The following CLIC5 variants were observed in gnomAD, a reference collection of about 807,000 sequenced individuals.
CLIC5 encodes the protein CLIC family member 5.
In CLIC5, 20 loss-of-function variants were observed where a neutral mutation model predicts 24.7. The observed-to-expected ratio is 0.81, with a 90% confidence interval of 0.57 to 1.18. The LOEUF is 1.18. Among genes scored for constraint, CLIC5 ranks in the 50% most tolerant of loss-of-function variants. The pLI, the probability that CLIC5 is intolerant of heterozygous loss-of-function variation, is 0.00. For synonymous variants in CLIC5, 159 were observed against 135.6 expected, an observed-to-expected ratio of 1.17 and a Z score of -1.20; for missense variants, 341 against 326.1, an observed-to-expected ratio of 1.05 and a Z score of -0.35.
At chr6:46,118,472 A>T in the CLIC5 span, among the ~76,000 whole-genome samples, 2 of 152,352 alleles carry the variant, frequency 1.3e-5, no homozygotes, top group Non-Finnish European at 2.9e-5. Context: ...GGCATAAACT[A>T]GGACTATCCT....
At position 45,919,494 on chromosome 6, in the gene CLIC5, C is replaced by A. The variant is rs565898097; in HGVS notation, c.407-5085G>T. On this transcript the variant is annotated intron_variant, in intron 4 of 5. Transcript: ENST00000339561. The stretch of plus-strand genomic sequence containing the variant: ...GCTCTAGTTCCCTGACCCTCCCCCC[C>A]ACCACCTCTCCTTTCTTCTTCATCC... Among the ~76,000 whole-genome samples the A allele has an allele frequency of 3.8e-4, 58 of 152,220 alleles. 1 individual carries two copies. Among genetic ancestry groups the A allele is most frequent in the Non-Finnish European group, 1.6e-4 (11 of 68,004 alleles).
intron 2 of CLIC5, among the ~76,000 whole-genome samples, chr6:45,954,189 C>T (rs761703241): frequency 3.4e-5 from 5 of 147,740 alleles, no homozygotes; most frequent in Non-Finnish European, 5.9e-5. Flanking sequence ...CAGAGAATTG[C>T]TTAAACCCAG....
intron 1 of CLIC5, among the ~76,000 whole-genome samples, chr6:45,959,753 A>G (rs547703495): frequency 2.0e-5 from 3 of 152,336 alleles, no homozygotes; most frequent in South Asian, 4.2e-4. Flanking sequence ...ACTCAATCAT[A>G]CAAGTGCTTT....
intron 4 of CLIC5, among the ~76,000 whole-genome samples, chr6:45,927,803 T>A (rs939123119): frequency 6.6e-6 from 1 of 152,192 alleles, no homozygotes. Context: ...TGAGAACTCC[T>A]CATTATAGAA....
chr6:46,072,082 C>G (rs963700867), intron 1 of CLIC5, among the ~76,000 whole-genome samples: 1 of 151,736 alleles, frequency 6.6e-6, no homozygotes, highest in Non-Finnish European at 1.5e-5. Context: ...TGGGGCCTAT[C>G]GGAGGGTAGA....
intron 1 of CLIC5, among the ~76,000 whole-genome samples, chr6:45,968,418 G>A (rs904174516): frequency 6.6e-6 from 1 of 152,104 alleles, no homozygotes; most frequent in Non-Finnish European, 1.5e-5. Context: ...AAAGAACTGG[G>A]AAAGAAGGAA....
intron 1 of CLIC5, among the ~76,000 whole-genome samples, chr6:45,977,988 GA>G (rs1208023446): frequency 2.0e-5 from 3 of 152,184 alleles, no homozygotes; most frequent in Non-Finnish European, 4.4e-5. Context: ...AACAGAGCAA[GA>G]AGACAAAAGA....
chr6:45,973,060 G>T (rs1018785797), intron 1 of CLIC5, among the ~76,000 whole-genome samples: 4 of 152,154 alleles, frequency 2.6e-5, no homozygotes, highest in African/African-American at 9.7e-5. Context: ...GCTGAAACTG[G>T]AGCTGAGGTT....
chr6:46,100,521 C>A, the CLIC5 span, among the ~76,000 whole-genome samples: 1 of 152,184 alleles, frequency 6.6e-6, no homozygotes, highest in Non-Finnish European at 1.5e-5. Flanking sequence ...GATTTGCAAA[C>A]ACCCTCCCAG....
At chr6:45,913,926 C>T (rs969414485) in intron 5 of CLIC5, 94 of 647,286 alleles carry the variant, frequency 1.5e-4, no homozygotes, top group South Asian at 3.2e-4. Context: ...TATACAACAA[C>T]GATAATTGCG....
At chr6:45,886,533 T>A (rs1762307424) in intron 6 of CLIC5, among the ~76,000 whole-genome samples, 1 of 152,150 alleles carries the variant, frequency 6.6e-6, no homozygotes, top group Non-Finnish European at 1.5e-5. Context: ...AAGTGGGTAA[T>A]GTAATTATGG....
intron 1 of CLIC5, among the ~76,000 whole-genome samples, chr6:46,078,671 A>G (rs1210566977): frequency 6.6e-6 from 1 of 152,202 alleles, no homozygotes; most frequent in African/African-American, 2.4e-5. Context: ...GCAGAGTACA[A>G]GGCAATGTGT....
At chr6:45,895,769 A>C (rs914904319), downstream of CLIC5, among the ~76,000 whole-genome samples, 11 of 152,252 alleles carry the variant, frequency 7.2e-5, no homozygotes, top group African/African-American at 2.7e-4. Context: ...TGACTAACAC[A>C]CAGGAAACAA....
the CLIC5 span, among the ~76,000 whole-genome samples, chr6:46,093,945 G>T: frequency 6.6e-6 from 1 of 152,238 alleles, no homozygotes; most frequent in Admixed American, 6.5e-5. Flanking sequence ...TCTGCAGGCT[G>T]TATGGGAAGC....
At chr6:46,036,497 A>G (rs566224417) in intron 1 of CLIC5, among the ~76,000 whole-genome samples, 1 of 151,834 alleles carries the variant, frequency 6.6e-6, no homozygotes, top group Non-Finnish European at 1.5e-5. Context: ...TTTTCAGTAG[A>G]GACGGGGTTT....
At chr6:45,971,179 TATCCACAGA>T (rs1765188353) in intron 1 of CLIC5, among the ~76,000 whole-genome samples, 1 of 152,208 alleles carries the variant, frequency 6.6e-6, no homozygotes, top group Non-Finnish European at 1.5e-5. Context: ...CTAATACTAC[TATCCACAGA>T]GTGGATTCCT....
At chr6:46,031,893 CAT>C (rs59497107) in intron 1 of CLIC5, among the ~76,000 whole-genome samples, 10,184 of 146,794 alleles carry the variant, frequency 0.069, 411 homozygotes, top group Middle Eastern at 0.12. Flanking sequence ...TATATACACA[CAT>C]ATATATATAC....
Position 45,936,280 on chromosome 6 carries a change from C to G in CLIC5, c.406+5267G>C, listed in dbSNP as rs569168636. ...AGTGCAATGACGTGATCTCGGCTCA[C>G]TGCAACCTCCGCCTCCCGGGTTCAA... On this transcript the variant is annotated intron_variant, in intron 4 of 5. Transcript: ENST00000339561. 3.4e-5 allele frequency among the ~76,000 whole-genome samples: 5 copies of G among 145,816 alleles called. 1 individual carries two copies. The South Asian group carries it at 1.1e-3, about 33-fold the overall frequency.
At chr6:45,889,758 A>G (rs1471553891) in intron 6 of CLIC5, among the ~76,000 whole-genome samples, 1 of 152,238 alleles carries the variant, frequency 6.6e-6, no homozygotes, top group Non-Finnish European at 1.5e-5. Flanking sequence ...TTAAATGTAC[A>G]TCCCTGGGAT....
Sources: gnomAD v4.1 joint callset for allele counts (sites outside exome capture counted in the v4.1 genomes callset) on GRCh38, gnomAD v4.1.1 for gene constraint, MANE v1.5 for transcripts, NCBI Gene and HGNC (gene_info 2026-07-23, HGNC 2026-07-21) for gene names.